ABR: variants seen among roughly 807,000 people sequenced by gnomAD.
The protein encoded by ABR is active breakpoint cluster region-related protein.
Under a neutral mutation model 107.2 loss-of-function variants are expected in ABR, and 35 were observed. That is an observed-to-expected ratio of 0.33 (90% confidence interval 0.25 to 0.43). The LOEUF (loss-of-function observed/expected upper bound fraction) is 0.43. Among genes scored for constraint, ABR ranks in the 20% least tolerant of loss-of-function variants. The pLI is 1.00. For missense variants in ABR, 815 were observed against 1,115.2 expected (o/e 0.73, Z 3.83); for synonymous variants, 498 against 462.0 (o/e 1.08, Z -1.00).
chr17:1,156,723 T>TA (rs2151551707), intron 1 of ABR, among the ~76,000 whole-genome samples: 1 of 152,230 alleles, frequency 6.6e-6, no homozygotes, highest in South Asian at 2.1e-4. Context: ...TTATCTTATG[T>TA]AATCCTCTTA....
chr17:1,013,184 G>T lies in ABR; in HGVS notation c.1792-20C>A. Reference sequence around the variant, plus strand: ...GTCCAGCTGCAGAGAGAGAATGTGGGTGAGAGAGGTGCCAGCTCGGAGGCC... The same window carrying T: ...GTCCAGCTGCAGAGAGAGAATGTGGTTGAGAGAGGTGCCAGCTCGGAGGCC... On this transcript the variant is annotated intron_variant, in intron 16 of 22. Coordinates refer to ENST00000302538, the MANE Select transcript of ABR (RefSeq NM_021962.5). 1 of 1,613,246 alleles carries T rather than the reference G, an allele frequency of 6.2e-7. No individual in the cohort carries two copies. Among genetic ancestry groups the T allele is most frequent in the Non-Finnish European group, 8.5e-7 (1 of 1,179,162 alleles).
At chr17:1,166,097 G>T (rs905316095) in intron 1 of ABR, among the ~76,000 whole-genome samples, 1 of 151,554 alleles carries the variant, frequency 6.6e-6, no homozygotes. Flanking sequence ...CCCCAGCGTG[G>T]TCCCACCTCT....
chr17:1,024,741 G>T (rs1321639705), intron 16 of ABR, among the ~76,000 whole-genome samples: 2 of 144,742 alleles, frequency 1.4e-5, no homozygotes, highest in African/African-American at 5.2e-5. Context: ...AGCCGAGATG[G>T]TGCCACTGCA....
At chr17:1,034,426 G>C (rs893228451) in intron 16 of ABR, among the ~76,000 whole-genome samples, 1 of 152,154 alleles carries the variant, frequency 6.6e-6, no homozygotes, top group African/African-American at 2.4e-5. Flanking sequence ...CATTTGGCAC[G>C]GGTCACTTGT....
upstream of ABR, among the ~76,000 whole-genome samples, chr17:1,191,458 A>G (rs1447480934): frequency 1.4e-5 from 2 of 147,804 alleles, no homozygotes; most frequent in Admixed American, 7.0e-5. Context: ...CCCGGGTTCA[A>G]GCGATTCTCC....
Position 1,005,895 on chromosome 17 carries a change from G to A in ABR, c.*185C>T, listed in dbSNP as rs1345674489. ...GGTGGGATGCGGTGGTGAGGCTGGG[G>A]CTGGGCAGCCGGCTTTGTACAAGGT... is the stretch of plus-strand genomic sequence containing the variant. On this transcript the variant is annotated 3_prime_UTR_variant, in exon 23 of 23. Transcript: ENST00000302538. 1.6e-5 allele frequency: 10 copies of A among 633,454 alleles called. No homozygotes were observed. The highest frequency in any genetic ancestry group is 3.7e-4 in the Middle Eastern group (1 of 2,720). 39.2% of individuals were successfully genotyped at this position (633,454 alleles called of 1,614,324 possible).
intron 1 of ABR, among the ~76,000 whole-genome samples, chr17:1,167,130 C>T (rs571268143): frequency 4.6e-5 from 7 of 151,778 alleles, no homozygotes; most frequent in South Asian, 4.2e-4. Context: ...TTTATCTTCT[C>T]GGGGTGAGGC....
intron 1 of ABR, among the ~76,000 whole-genome samples, chr17:1,206,416 G>A (rs570197636): frequency 6.6e-6 from 1 of 152,284 alleles, no homozygotes; most frequent in African/African-American, 2.4e-5. Context: ...TTAGAGACAG[G>A]TTCTTGCTCT....
chr17:1,173,548 G>A (rs561285022), intron 1 of ABR, among the ~76,000 whole-genome samples: 4 of 152,058 alleles, frequency 2.6e-5, no homozygotes, highest in Non-Finnish European at 4.4e-5. Flanking sequence ...GCAAAAGCGC[G>A]AGACTCCCTT....
intron 16 of ABR, chr17:1,031,591 CGGGCA>C: frequency 8.2e-7 from 1 of 1,223,560 alleles, no homozygotes; most frequent in Admixed American, 4.4e-5. Context: ...CCAGCCCCCG[CGGGCA>C]CCTTGTTTCG....
rs575963162 is a variant in ABR at position 1,011,787 on chromosome 17, A to G, written c.2101+59T>C. On this transcript the variant is annotated intron_variant, in intron 19 of 22. Transcript: ENST00000302538. The surrounding 1 kb of genome is among the most constrained non-coding windows in gnomAD (Gnocchi z 4.8). Reference sequence around the variant, plus strand: ...CTGGTTCCCCCGAGCTCTCCTGTCCATCCCACCAGCCTGCTCAGACACAGC... The same window carrying G: ...CTGGTTCCCCCGAGCTCTCCTGTCCGTCCCACCAGCCTGCTCAGACACAGC... 6.9e-5 allele frequency: 104 copies of G among 1,513,680 alleles called. No individual in the cohort carries two copies. The East Asian group carries it at 2.2e-3, about 32-fold the overall frequency. The allele number at this position is 1,513,680 out of a possible 1,614,324, so 93.8% of individuals were successfully genotyped here. A position where few individuals can be genotyped will look rare whatever the true frequency, so the allele number is the denominator to read the frequency against.
chr17:1,119,500 G>T (rs62067955), intron 2 of ABR, among the ~76,000 whole-genome samples: 44,087 of 78,858 alleles, frequency 0.56, 9,033 homozygotes, highest in East Asian at 0.66. Flanking sequence ...TCCTCCCAGC[G>T]TTATCCCTGA....
At chr17:1,058,677 G>A (rs566187553) in intron 11 of ABR, 68 bp downstream of exon 11, 4 of 1,576,276 alleles carry the variant, frequency 2.5e-6, no homozygotes, top group Non-Finnish European at 1.7e-6. Context: ...TCAGGGCCAG[G>A]AGCCACAGAG....
At chr17:1,190,025 C>T (rs975691298), upstream of ABR, among the ~76,000 whole-genome samples, 4 of 152,312 alleles carry the variant, frequency 2.6e-5, no homozygotes, top group East Asian at 1.9e-4. Context: ...CTGGTTGAGA[C>T]GTCGCGTCGA....
chr17:1,170,584 C>G (rs2041672099), intron 1 of ABR, among the ~76,000 whole-genome samples: 1 of 152,066 alleles, frequency 6.6e-6, no homozygotes, highest in African/African-American at 2.4e-5. Flanking sequence ...TTCTAGGTGC[C>G]TGCCACCATG....
intron 1 of ABR, among the ~76,000 whole-genome samples, chr17:1,196,840 G>T (rs142046097): frequency 0.024 from 3,636 of 152,026 alleles, 142 homozygotes; most frequent in East Asian, 0.13. Context: ...GACTACAGGC[G>T]CCCACCACCG....
At position 1,113,277 on chromosome 17, in the gene ABR, G is replaced by GGTTTTTTT. The variant is rs1416563541; in HGVS notation, c.246+11905_246+11906insAAAAAAAC. 2.5e-4 allele frequency among the ~76,000 whole-genome samples: 22 copies of GGTTTTTTT among 88,210 alleles called. 7 individuals are homozygous for GGTTTTTTT. The highest frequency in any genetic ancestry group is 2.1e-4 in the Non-Finnish European group (10 of 46,542). The allele number at this position is 88,210 out of a possible 152,430, so 57.9% of individuals were successfully genotyped here. On this transcript the variant is annotated intron_variant, in intron 2 of 22. Transcript: ENST00000302538. ...GGGATAACATGGAAACACCTATTGC[G>GGTTTTTTT]ATTTTTTTTTTTTTTTTTTTTTTTT... is the stretch of plus-strand genomic sequence containing the variant.
intron 2 of ABR, among the ~76,000 whole-genome samples, chr17:1,101,484 G>T (rs1208212844): frequency 1.3e-5 from 2 of 151,996 alleles, no homozygotes; most frequent in African/African-American, 4.8e-5. Context: ...CTCTCCTCCT[G>T]CCTGTCCCAC....
At chr17:1,085,381 G>T (rs919894459) in intron 4 of ABR, among the ~76,000 whole-genome samples, 1 of 151,976 alleles carries the variant, frequency 6.6e-6, no homozygotes, top group Non-Finnish European at 1.5e-5. Context: ...CTCCCAAAGT[G>T]CTGGGATTAC....
Sources: gnomAD v4.1 joint callset for allele counts (sites outside exome capture counted in the v4.1 genomes callset) on GRCh38, gnomAD v4.1.1 for gene constraint, Gnocchi (gnomAD v3.1) non-coding constraint, MANE v1.5 for transcripts, NCBI Gene and HGNC (gene_info 2026-07-23, HGNC 2026-07-21) for gene names.